The following DCAF5 variants were observed in gnomAD, a reference collection of about 807,000 sequenced individuals.
The protein encoded by DCAF5 is DDB1- and CUL4-associated factor 5.
DCAF5 carries 9 observed loss-of-function variants against 80.7 expected under a neutral mutation model. The observed-to-expected ratio is 0.11, with a 90% confidence interval of 0.07 to 0.19. The LOEUF (loss-of-function observed/expected upper bound fraction) is 0.19. Among genes scored for constraint, DCAF5 ranks in the 10% least tolerant of loss-of-function variants. The pLI, the probability that DCAF5 is intolerant of heterozygous loss-of-function variation, is 1.00. For synonymous variants in DCAF5, 433 were observed against 461.9 expected (o/e 0.94, Z 0.80); for missense variants, 842 against 1,205.7 (o/e 0.70, Z 4.47).
At chr14:69,150,647 G>A (rs889517532) in intron 1 of DCAF5, among the ~76,000 whole-genome samples, 2 of 151,774 alleles carry the variant, frequency 1.3e-5, no homozygotes, top group African/African-American at 4.8e-5. Flanking sequence ...AGCACTTTAC[G>A]GGGTGAGGCA....
intron 1 of DCAF5, among the ~76,000 whole-genome samples, chr14:69,124,409 TA>T (rs944879363): frequency 4.6e-5 from 7 of 152,154 alleles, no homozygotes; most frequent in African/African-American, 1.7e-4. Context: ...CTTCTTATAA[TA>T]AAAAATAGAA....
chr14:69,082,392 G>A (rs1252503795), intron 6 of DCAF5, among the ~76,000 whole-genome samples: 1 of 152,152 alleles, frequency 6.6e-6, no homozygotes, highest in Non-Finnish European at 1.5e-5. Flanking sequence ...TGCCATTTCA[G>A]CTCCATTAGG....
intron 5 of DCAF5, among the ~76,000 whole-genome samples, chr14:69,107,244 T>C (rs947156217): frequency 6.6e-6 from 1 of 152,112 alleles, no homozygotes; most frequent in African/African-American, 2.4e-5. Context: ...TAAAAGACAT[T>C]TGTGTCTGGT....
chr14:69,069,634 T>C (rs2038604992), intron 7 of DCAF5, among the ~76,000 whole-genome samples: 2 of 152,174 alleles, frequency 1.3e-5, no homozygotes, highest in African/African-American at 4.8e-5. Flanking sequence ...CGTTCTTTTC[T>C]TCTTTCTTTT....
chr14:69,115,948 T>G (rs1055637176), intron 5 of DCAF5, among the ~76,000 whole-genome samples: 1 of 152,120 alleles, frequency 6.6e-6, no homozygotes, highest in Non-Finnish European at 1.5e-5. Flanking sequence ...AGGGATCCCC[T>G]CCAACCTAGG....
chr14:69,110,159 T>G (rs1016352897), intron 5 of DCAF5, among the ~76,000 whole-genome samples: 2 of 152,148 alleles, frequency 1.3e-5, no homozygotes, highest in Admixed American at 6.5e-5. Context: ...TTTAAATTGA[T>G]TTTTTGTTTT....
chr14:69,112,960 T>C (rs976946573), intron 5 of DCAF5, among the ~76,000 whole-genome samples: 1 of 152,288 alleles, frequency 6.6e-6, no homozygotes, highest in East Asian at 1.9e-4. Context: ...TAGTTTCTTA[T>C]TCTTAATCTG....
At chr14:69,110,603 T>C (rs1486649396) in intron 5 of DCAF5, among the ~76,000 whole-genome samples, 1 of 152,040 alleles carries the variant, frequency 6.6e-6, no homozygotes, top group African/African-American at 2.4e-5. Flanking sequence ...TGGCCAGGCA[T>C]GGTGGCTCAC....
chr14:69,120,134 A>C (rs1049270295), intron 2 of DCAF5, among the ~76,000 whole-genome samples: 2 of 151,922 alleles, frequency 1.3e-5, no homozygotes, highest in Non-Finnish European at 2.9e-5. Context: ...TCCAGGCTGG[A>C]GTGCAGTGGT....
At chr14:69,083,039 C>T (rs183425028) in intron 6 of DCAF5, among the ~76,000 whole-genome samples, 6 of 152,254 alleles carry the variant, frequency 3.9e-5, no homozygotes, top group South Asian at 2.1e-4. Context: ...TACAACTGAA[C>T]GATTACAAAC....
rs2039254328 is a variant in DCAF5 at position 69,084,810 on chromosome 14, C to G, written c.879+6864G>C. On this transcript the variant is annotated intron_variant, in intron 6 of 8. Coordinates refer to ENST00000341516, the MANE Select transcript of DCAF5 (RefSeq NM_003861.3). ...CAGTTCTGCAATGCAGATTCAGGAA[C>G]ACTATTGTGTACAGATGTGGCAGCA... The G allele has an allele frequency of 3.7e-6, 4 of 1,089,370 alleles. No individual in the cohort carries two copies. The South Asian group carries it at 3.9e-5, about 11-fold the overall frequency. 67.5% of individuals were successfully genotyped at this position (1,089,370 alleles called of 1,614,324 possible).
intron 5 of DCAF5, among the ~76,000 whole-genome samples, chr14:69,103,880 T>C (rs527619701): frequency 1.3e-5 from 2 of 152,342 alleles, no homozygotes; most frequent in African/African-American, 4.8e-5. Flanking sequence ...TCTTTTGAGA[T>C]TGGCTTTTTT....
intron 7 of DCAF5, among the ~76,000 whole-genome samples, chr14:69,067,032 AC>A (rs1212100782): frequency 1.3e-5 from 2 of 152,138 alleles, no homozygotes; most frequent in African/African-American, 4.8e-5. Context: ...CCTCTGTTCT[AC>A]TTTTTCTATA....
intron 6 of DCAF5, chr14:69,089,656 G>A (rs1235486527): frequency 6.6e-6 from 1 of 152,246 alleles, no homozygotes; most frequent in African/African-American, 2.4e-5. Flanking sequence ...AATACCTTCT[G>A]TGGCTCTGCC....
chr14:69,114,363 C>T (rs1009346611), intron 5 of DCAF5, among the ~76,000 whole-genome samples: 1 of 151,998 alleles, frequency 6.6e-6, no homozygotes, highest in Non-Finnish European at 1.5e-5. Context: ...AAATTGAATG[C>T]CATATAGTCA....
Position 69,054,736 on chromosome 14 carries a change from A to T in DCAF5, c.1950T>A (p.Thr650=). 1 of 1,614,236 alleles carries T rather than the reference A, an allele frequency of 6.2e-7. No homozygotes were observed. ...LEIQPSRASP[T]SDIESVERKI... ...TTCGCTCAACTGATTCTATGTCAGA[A>T]GTTGGTGATGCCCGGCTTGGTTGAA... Residue 650 remains threonine, a synonymous_variant, in exon 9 of 9, where the codon ACT becomes ACA. Transcript: ENST00000341516.
chr14:69,104,881 A>G (rs73278958), intron 5 of DCAF5, among the ~76,000 whole-genome samples: 1,621 of 152,056 alleles, frequency 0.011, 32 homozygotes, highest in African/African-American at 0.037. Context: ...AGTGAGAGAC[A>G]GGGGTACCTA....
At position 69,146,268 on chromosome 14, in the gene DCAF5, C is replaced by A. The variant is rs2041534732; in HGVS notation, c.214+6497G>T. On this transcript the variant is annotated intron_variant, in intron 1 of 8. Transcript: ENST00000341516. ...GGACAACTTTTTGATGTATTAATAA[C>A]AATGTCTAATGTGACTAATGATCAG... 3.9e-5 allele frequency among the ~76,000 whole-genome samples: 6 copies of A among 152,276 alleles called. No individual in the cohort carries two copies. In the South Asian group the frequency reaches 1.2e-3, roughly 32 times the overall value.
chr14:69,085,714 T>TA (rs1377861273), intron 6 of DCAF5, among the ~76,000 whole-genome samples: 3 of 152,216 alleles, frequency 2.0e-5, no homozygotes, highest in East Asian at 3.9e-4. Context: ...TTTGTACCTT[T>TA]AAAAAAAAGT....
Sources: allele counts gnomAD v4.1 joint callset (sites outside exome capture counted in the v4.1 genomes callset), GRCh38; gene constraint gnomAD v4.1.1; transcripts MANE v1.5; gene names NCBI Gene and HGNC (gene_info 2026-07-23, HGNC 2026-07-21).